Variants in CRB1 observed in about 807,000 individuals in gnomAD.
The protein encoded by CRB1 is crumbs cell polarity complex component 1, also known as protein crumbs homolog 1.
A neutral mutation model predicts 120.0 loss-of-function variants in CRB1; 83 were observed. The ratio of observed to expected loss-of-function variants is 0.69; its 90% CI spans 0.58 to 0.83. The LOEUF is 0.83. Ranked by LOEUF, CRB1 falls within the 40% of genes least tolerant of loss-of-function variation. The pLI, the probability that CRB1 is intolerant of heterozygous loss-of-function variation, is 0.00. For missense variants in CRB1, 1,699 were observed against 1,687.6 expected (o/e 1.01, Z -0.12); for synonymous variants, 625 against 612.5 (o/e 1.02, Z -0.30).
At chr1:197,297,043 G>C (rs949973581) in intron 1 of CRB1, among the ~76,000 whole-genome samples, 1 of 151,848 alleles carries the variant, frequency 6.6e-6, no homozygotes, top group Non-Finnish European at 1.5e-5. Context: ...TTATTCTCTA[G>C]TCCTATTAGG....
In CRB1 at chr1:197,435,253, C is replaced by A; in HGVS notation, c.3390C>A (p.Thr1130=). 6.2e-7 allele frequency: 1 copy of A among 1,613,832 alleles called. No individual in the cohort carries two copies. The highest frequency in any genetic ancestry group is 8.5e-7 in the Non-Finnish European group (1 of 1,179,834). Residue 1130 remains threonine (T), a synonymous_variant, in exon 9 of 12, where the codon ACC becomes ACA. Transcript: ENST00000367400. ...AAGAGCAATTTCTCAAAATCTCTAC[C>A]AATTCAGTGGTCACTGGCTGTTTGC... ...PQEEQFLKIS[T]NSVVTGCLQL... is the part of the protein sequence containing the mutation.
chr1:197,472,382 G>A (rs139354333), intron 11 of CRB1, among the ~76,000 whole-genome samples: 7 of 152,156 alleles, frequency 4.6e-5, no homozygotes, highest in African/African-American at 1.7e-4. Context: ...TTTATAAAAC[G>A]CAGGCATGAG....
chr1:197,355,533 C>T lies in CRB1; in HGVS notation c.989-1298C>T, dbSNP rs574866592. Among the ~76,000 whole-genome samples the T allele has an allele frequency of 2.0e-5, 3 of 152,316 alleles. No homozygotes were observed. The South Asian group carries it at 6.2e-4, about 32-fold the overall frequency. On this transcript the variant is annotated intron_variant, in intron 4 of 11. Coordinates refer to ENST00000367400, the MANE Select transcript of CRB1 (RefSeq NM_201253.3). ...GCATGGCGGGCTGCAGGTTCCGAGC[C>T]CTGTCCTGAGGGGAGGCAGCTGAGG...
the CRB1 span, among the ~76,000 whole-genome samples, chr1:197,257,911 CCACTGTG>C: frequency 6.6e-6 from 1 of 152,266 alleles, no homozygotes; most frequent in East Asian, 1.9e-4. Context: ...AAGGGTCATG[CCACTGTG>C]CTTTTTAGCA....
intron 4 of CRB1, among the ~76,000 whole-genome samples, chr1:197,352,707 T>A (rs926897079): frequency 4.0e-5 from 6 of 150,562 alleles, no homozygotes; most frequent in African/African-American, 1.5e-4. Flanking sequence ...TTTTTTTAAC[T>A]TTTTGACTCT....
chr1:197,476,832 A>C (rs1476288473), intron 11 of CRB1, among the ~76,000 whole-genome samples: 1 of 152,200 alleles, frequency 6.6e-6, no homozygotes, highest in African/African-American at 2.4e-5. Flanking sequence ...TCAGTTTAAA[A>C]ATTCAAACAG....
At chr1:197,305,625 A>G (rs1420962297) in intron 1 of CRB1, among the ~76,000 whole-genome samples, 2 of 151,972 alleles carry the variant, frequency 1.3e-5, no homozygotes, top group Non-Finnish European at 2.9e-5. Flanking sequence ...TACAGCATTC[A>G]TCTTGGGTTA....
At chr1:197,433,070 T>C (rs1238312498) in intron 8 of CRB1, among the ~76,000 whole-genome samples, 1 of 151,816 alleles carries the variant, frequency 6.6e-6, no homozygotes, top group African/African-American at 2.4e-5. Flanking sequence ...ATTTTTTTTT[T>C]TTTTGAAGAG....
intron 5 of CRB1, among the ~76,000 whole-genome samples, chr1:197,406,312 C>A (rs913441405): frequency 3.9e-4 from 59 of 152,192 alleles, no homozygotes; most frequent in African/African-American, 1.3e-3. Flanking sequence ...GTGCTGTGTC[C>A]ACTCAGGGTT....
chr1:197,303,127 A>G (rs1258125658), intron 1 of CRB1, among the ~76,000 whole-genome samples: 1 of 151,014 alleles, frequency 6.6e-6, no homozygotes, highest in Admixed American at 6.6e-5. Flanking sequence ...TTATTTATTT[A>G]TTTATTATTT....
At position 197,421,589 on chromosome 1, in the gene CRB1, TA is replaced by T. The variant is rs1664324530; in HGVS notation, c.1763del (p.Lys588ArgfsTer33). The T allele has an allele frequency of 6.2e-7, 1 of 1,614,112 alleles. No homozygotes were observed. The highest frequency in any genetic ancestry group is 1.3e-5 in the African/African-American group (1 of 74,930). On this transcript the variant is annotated frameshift_variant, in exon 6 of 12. Coordinates refer to ENST00000367400, the MANE Select transcript of CRB1 (RefSeq NM_201253.3). LOFTEE classifies it high-confidence loss of function. ...VTLTLIDDSC[K>X]EKCIAKAPTP... ...CCCTTACCTTAATCGACGACTCCTG[TA>T]AGGAGAAATGCATCGCGAAAGCTCC... is the stretch of plus-strand genomic sequence containing the variant.
the CRB1 span, among the ~76,000 whole-genome samples, chr1:197,244,452 C>T: frequency 2.0e-5 from 3 of 151,876 alleles, no homozygotes; most frequent in Admixed American, 6.6e-5. Flanking sequence ...TTGGTGTTGA[C>T]AATTTTCTTT....
chr1:197,253,225 C>G, the CRB1 span, among the ~76,000 whole-genome samples: 1 of 152,056 alleles, frequency 6.6e-6, no homozygotes, highest in Admixed American at 6.6e-5. Context: ...TTTGCTGATT[C>G]CGCAGATAAG....
chr1:197,433,414 A>T (rs997960722), intron 8 of CRB1, among the ~76,000 whole-genome samples: 1 of 152,144 alleles, frequency 6.6e-6, no homozygotes, highest in South Asian at 2.1e-4. Flanking sequence ...GTGTGATACA[A>T]TAAAAGTAGA....
rs115400822 is a variant in CRB1, at chr1:197,421,814, A to G, written c.1986A>G (p.Ser662=). 1.2e-4 allele frequency: 198 copies of G among 1,614,228 alleles called. 1 individual carries two copies. The East Asian group carries it at 4.0e-3, about 33-fold the overall frequency. Residue 662 remains serine, a synonymous_variant, in exon 6 of 12, where the codon TCA becomes TCG. Transcript: ENST00000367400. ...HITLENISSG[S]SLNVKAGCVR... ...CCCTGGAGAACATCTCGTCTGGCTC[A>G]TCATTAAATGTCAAGGCAGGCTGTG... is the stretch of plus-strand genomic sequence containing the variant.
intron 5 of CRB1, chr1:197,363,750 C>T: frequency 1.7e-6 from 1 of 586,350 alleles, no homozygotes; most frequent in Non-Finnish European, 3.2e-6. Context: ...CCTTGCCATC[C>T]CTGCCCTTTC....
intron 11 of CRB1, among the ~76,000 whole-genome samples, chr1:197,455,922 C>A (rs929323031): frequency 2.6e-5 from 4 of 152,002 alleles, no homozygotes; most frequent in African/African-American, 9.7e-5. Flanking sequence ...AGAAAGGAAG[C>A]CACATATTAA....
intron 1 of CRB1, among the ~76,000 whole-genome samples, chr1:197,312,624 TGTTAA>T (rs1436994562): frequency 1.3e-5 from 2 of 151,996 alleles, no homozygotes; most frequent in East Asian, 3.9e-4. Flanking sequence ...AAAAACAATC[TGTTAA>T]GATAGAAAAA....
intron 11 of CRB1, among the ~76,000 whole-genome samples, chr1:197,458,339 T>C (rs1484422350): frequency 1.3e-5 from 2 of 152,074 alleles, no homozygotes; most frequent in African/African-American, 2.4e-5. Flanking sequence ...AAAAGTGCCA[T>C]TAAGAACACT....
Sources: allele counts gnomAD v4.1 joint callset (sites outside exome capture counted in the v4.1 genomes callset), GRCh38; gene constraint gnomAD v4.1.1; transcripts MANE v1.5; gene names NCBI Gene and HGNC (gene_info 2026-07-23, HGNC 2026-07-21).